Variants in ATP6V1H observed in about 807,000 individuals in gnomAD.
ATP6V1H encodes the protein V-type proton ATPase subunit H.
In ATP6V1H, 39 loss-of-function variants were observed where a neutral mutation model predicts 71.7. That is an observed-to-expected ratio of 0.54 (90% CI 0.42 to 0.71). The LOEUF (loss-of-function observed/expected upper bound fraction) is 0.71, where lower values mean the gene tolerates loss of function less well. ATP6V1H is among the 30% of genes least tolerant of loss of function. The pLI, the probability that ATP6V1H is intolerant of heterozygous loss-of-function variation, is 0.00. For missense variants in ATP6V1H, 509 were observed against 594.9 expected, an observed-to-expected ratio of 0.86 and a Z score of 1.50; for synonymous variants, 192 against 199.3, an observed-to-expected ratio of 0.96 and a Z score of 0.31.
At chr8:53,724,622 G>C (rs1806744293) in intron 13 of ATP6V1H, among the ~76,000 whole-genome samples, 1 of 117,740 alleles carries the variant, frequency 8.5e-6, no homozygotes, top group Admixed American at 1.2e-4. Context: ...ACAGCCAAGA[G>C]GACGAGGCCA....
chr8:53,837,835 G>A (rs1710461769), intron 2 of ATP6V1H, among the ~76,000 whole-genome samples: 1 of 152,178 alleles, frequency 6.6e-6, no homozygotes, highest in Admixed American at 6.5e-5. Flanking sequence ...CATGCACGAG[G>A]CAGGAACCGC....
Position 53,769,600 on chromosome 8 carries a change from G to A in ATP6V1H, c.1175+18C>T, listed in dbSNP as rs911219910. 2 of 1,607,510 alleles carry A rather than the reference G, an allele frequency of 1.2e-6. No homozygotes were observed. Among genetic ancestry groups the A allele is most frequent in the South Asian group, 2.2e-5 (2 of 89,768 alleles). Reference sequence around the variant, plus strand: ...GGATAACAGATATTAAGAGTGTAAAGTAGAACAAAAAACTTACTTCAAGAG... The same window carrying A: ...GGATAACAGATATTAAGAGTGTAAAATAGAACAAAAAACTTACTTCAAGAG... On this transcript the variant is annotated intron_variant, in intron 11 of 13. Coordinates refer to ENST00000359530, the MANE Select transcript of ATP6V1H (RefSeq NM_015941.4).
At chr8:53,839,765 C>T (rs955167359) in intron 2 of ATP6V1H, 16 of 985,282 alleles carry the variant, frequency 1.6e-5, no homozygotes, top group Middle Eastern at 1.0e-3. Flanking sequence ...CTGGGACACA[C>T]ACTCCCACCT....
rs759275608 is a variant in ATP6V1H at position 53,787,289 on chromosome 8, CA to C, written c.870+8357del. Among the ~76,000 whole-genome samples the C allele has an allele frequency of 1.4e-4, 22 of 152,308 alleles. No homozygotes were observed. In the East Asian group the frequency reaches 4.0e-3, roughly 28 times the overall value. Reference sequence around the variant, plus strand: ...AGACGTTGAGGCAGAATTCCTGAAACAGGGGATAAGGGATAGACTCCAGAAT... The same window carrying C: ...AGACGTTGAGGCAGAATTCCTGAAACGGGGATAAGGGATAGACTCCAGAAT... On this transcript the variant is annotated intron_variant, in intron 9 of 13. Transcript: ENST00000359530.
intron 11 of ATP6V1H, among the ~76,000 whole-genome samples, chr8:53,758,730 A>T (rs941993620): frequency 6.6e-6 from 1 of 152,230 alleles, no homozygotes; most frequent in East Asian, 1.9e-4. Flanking sequence ...TTCTGAATAC[A>T]TCAAACCAGA....
chr8:53,806,307 C>T (rs1361792348), intron 7 of ATP6V1H, among the ~76,000 whole-genome samples: 2 of 151,718 alleles, frequency 1.3e-5, no homozygotes, highest in Non-Finnish European at 2.9e-5. Context: ...AAACACTAAA[C>T]AATTGTAAAA....
Position 53,715,739 on chromosome 8 carries a change from T to C in ATP6V1H, c.*225A>G, listed in dbSNP as rs1806401450. 3 of 417,342 alleles carry C rather than the reference T, an allele frequency of 7.2e-6. No homozygotes were observed. The highest frequency in any genetic ancestry group is 2.0e-5 in the African/African-American group (1 of 49,440). 25.9% of individuals were successfully genotyped at this position (417,342 alleles called of 1,614,324 possible). ...CAATAAATACAGAAATTGCAAGCAG[T>C]ATATGTAACAGTAATATTTTCTTTA... On this transcript the variant is annotated 3_prime_UTR_variant, in exon 14 of 14. Transcript: ENST00000359530.
chr8:53,724,870 AT>A (rs1365938255), intron 13 of ATP6V1H, among the ~76,000 whole-genome samples: 1 of 151,822 alleles, frequency 6.6e-6, no homozygotes, highest in Non-Finnish European at 1.5e-5. Context: ...AAAAAAAAAA[AT>A]AACAGCACCT....
rs553386089 is a variant in ATP6V1H, at chr8:53,835,252, T to C, written c.114-2166A>G. Among the ~76,000 whole-genome samples, 345 of 152,192 alleles carry C rather than the reference T, an allele frequency of 2.3e-3. 2 individuals carry two copies. Among genetic ancestry groups the C allele is most frequent in the African/African-American group, 7.9e-3 (328 of 41,548 alleles). On this transcript the variant is annotated intron_variant, in intron 2 of 13. Coordinates refer to ENST00000359530, the MANE Select transcript of ATP6V1H (RefSeq NM_015941.4). The stretch of plus-strand genomic sequence containing the variant: ...GAGACGAAGATTCATGTACAAGTGA[T>C]TTATGAAAGAAGAGCTCCCAGGAGA...
intron 13 of ATP6V1H, among the ~76,000 whole-genome samples, chr8:53,730,303 C>G (rs944709827): frequency 2.6e-5 from 4 of 152,144 alleles, no homozygotes; most frequent in Non-Finnish European, 5.9e-5. Context: ...ACAAACTATT[C>G]TTGGAGAAGA....
At chr8:53,816,394 G>C (rs1184224279) in intron 5 of ATP6V1H, among the ~76,000 whole-genome samples, 1 of 152,216 alleles carries the variant, frequency 6.6e-6, no homozygotes, top group Non-Finnish European at 1.5e-5. Context: ...CCACTCCCCA[G>C]TGGAAATAGA....
At chr8:53,774,133 T>G (rs1231483729) in intron 9 of ATP6V1H, among the ~76,000 whole-genome samples, 1 of 152,194 alleles carries the variant, frequency 6.6e-6, no homozygotes, top group Non-Finnish European at 1.5e-5. Flanking sequence ...GCTGCAAGTT[T>G]CCCAAATTCA....
chr8:53,725,313 CTACAG>C, intron 13 of ATP6V1H, among the ~76,000 whole-genome samples: 1 of 152,116 alleles, frequency 6.6e-6, no homozygotes, highest in Admixed American at 6.5e-5. Flanking sequence ...CCGTGGGACT[CTACAG>C]AGTCCTCACC....
chr8:53,786,496 G>A (rs1017615080), intron 9 of ATP6V1H, among the ~76,000 whole-genome samples: 11 of 152,186 alleles, frequency 7.2e-5, no homozygotes, highest in East Asian at 3.9e-4. Context: ...CGGGTGAGGC[G>A]ATGCCTCACC....
chr8:53,801,561 T>C (rs1809910160), intron 8 of ATP6V1H, among the ~76,000 whole-genome samples: 1 of 152,218 alleles, frequency 6.6e-6, no homozygotes, highest in Non-Finnish European at 1.5e-5. Context: ...GTACCTGGAA[T>C]CTGTCTTGTT....
At chr8:53,783,800 C>G (rs1267092909) in intron 9 of ATP6V1H, among the ~76,000 whole-genome samples, 1 of 152,060 alleles carries the variant, frequency 6.6e-6, no homozygotes, top group African/African-American at 2.4e-5. Flanking sequence ...TTGTTATGTC[C>G]CCAGTAGTCA....
chr8:53,798,919 A>G (rs1310976236), intron 8 of ATP6V1H, among the ~76,000 whole-genome samples: 1 of 152,134 alleles, frequency 6.6e-6, no homozygotes, highest in Non-Finnish European at 1.5e-5. Flanking sequence ...TCTCTAAAAT[A>G]CTAAGGTACT....
intron 9 of ATP6V1H, among the ~76,000 whole-genome samples, chr8:53,772,660 A>T (rs1808708371): frequency 6.6e-6 from 1 of 152,236 alleles, no homozygotes; most frequent in African/African-American, 2.4e-5. Context: ...TTGAACAATT[A>T]TCAGAAAAGT....
At chr8:53,757,971 C>A (rs1808133567) in intron 11 of ATP6V1H, among the ~76,000 whole-genome samples, 1 of 152,200 alleles carries the variant, frequency 6.6e-6, no homozygotes, top group Non-Finnish European at 1.5e-5. Flanking sequence ...TGCCTAGGCA[C>A]CGGAAGAGAC....
Sources: allele counts gnomAD v4.1 joint callset (sites outside exome capture counted in the v4.1 genomes callset), GRCh38; gene constraint gnomAD v4.1.1; transcripts MANE v1.5; gene names NCBI Gene and HGNC (gene_info 2026-07-23, HGNC 2026-07-21).